Variants in RBFOX1 observed in about 807,000 individuals in gnomAD.
RBFOX1 encodes RNA binding protein fox-1 homolog 1.
RBFOX1 carries 8 observed loss-of-function variants against 57.7 expected under a neutral mutation model. The observed-to-expected ratio is 0.14, with a 90% CI of 0.08 to 0.25. RBFOX1 has a LOEUF of 0.25. Among genes scored for constraint, RBFOX1 ranks in the 10% least tolerant of loss-of-function variants. The pLI, the probability that RBFOX1 is intolerant of heterozygous loss-of-function variation, is 1.00. For missense variants in RBFOX1, 611 were observed against 548.5 expected (o/e 1.11, Z -1.14); for synonymous variants, 326 against 222.4 (o/e 1.47, Z -4.15).
intron 4 of RBFOX1, among the ~76,000 whole-genome samples, chr16:7,423,615 G>T (rs1459945554): frequency 6.6e-6 from 1 of 152,114 alleles, no homozygotes; most frequent in African/African-American, 2.4e-5. Flanking sequence ...TGGGCACAGG[G>T]GAGTGGTTTG....
intron 1 of RBFOX1, among the ~76,000 whole-genome samples, chr16:5,312,265 G>C (rs537531763): frequency 7.2e-5 from 11 of 152,280 alleles, no homozygotes; most frequent in Non-Finnish European, 1.3e-4. Flanking sequence ...TATCCTCCAG[G>C]GCTGTTGAAA....
intron 1 of RBFOX1, among the ~76,000 whole-genome samples, chr16:5,406,353 G>A: frequency 9.2e-6 from 1 of 108,988 alleles, no homozygotes; most frequent in Non-Finnish European, 2.1e-5. Context: ...AGGTGGAGGA[G>A]GGGAGAGTTA....
At chr16:7,113,284 G>A (rs567219760) in intron 4 of RBFOX1, among the ~76,000 whole-genome samples, 74 of 152,278 alleles carry the variant, frequency 4.9e-4, no homozygotes, top group African/African-American at 1.8e-3. Flanking sequence ...TTGGGTAAGA[G>A]TAATGCTCTA....
chr16:7,521,851 C>T (rs1389585851), intron 5 of RBFOX1, among the ~76,000 whole-genome samples: 1 of 152,120 alleles, frequency 6.6e-6, no homozygotes, highest in African/African-American at 2.4e-5. Context: ...GTGGACACAG[C>T]CTGGTTTTTG....
chr16:6,654,715 G>A (rs2098633902), intron 3 of RBFOX1, 65 bp downstream of exon 3: 1 of 1,273,098 alleles, frequency 7.9e-7, no homozygotes, highest in Non-Finnish European at 1.1e-6. Flanking sequence ...TTGAACCCAG[G>A]TGTTTAAGGC....
At chr16:7,590,994 A>C (rs1056035545) in intron 7 of RBFOX1, among the ~76,000 whole-genome samples, 6 of 152,034 alleles carry the variant, frequency 3.9e-5, no homozygotes, top group African/African-American at 1.4e-4. Context: ...GGCTTTCCTG[A>C]GTAGCAGGAG....
chr16:6,084,123 A>G (rs1040792227), intron 1 of RBFOX1, among the ~76,000 whole-genome samples: 1 of 152,212 alleles, frequency 6.6e-6, no homozygotes, highest in African/African-American at 2.4e-5. Flanking sequence ...TACGGCCAAT[A>G]ATAATACCTC....
chr16:7,541,358 C>G (rs912360881), intron 5 of RBFOX1, among the ~76,000 whole-genome samples: 1 of 152,212 alleles, frequency 6.6e-6, no homozygotes, highest in African/African-American at 2.4e-5. Flanking sequence ...GCATTTTCCT[C>G]TTTCAGATTT....
At position 7,116,081 on chromosome 16, in the gene RBFOX1, C is replaced by G. The variant is rs760305523; in HGVS notation, c.27+63983C>G. Among the ~76,000 whole-genome samples the G allele has an allele frequency of 1.3e-5, 2 of 152,058 alleles. 1 individual carries two copies. Among genetic ancestry groups the G allele is most frequent in the Admixed American group, 1.3e-4 (2 of 15,264 alleles). ...ATAACAGCCCTTTCTCAGTGGGTAC[C>G]GATCAGTACCCATTTTACAGATAAG... On this transcript the variant is annotated intron_variant, in intron 4 of 15. Transcript: ENST00000550418.
At chr16:5,525,532 C>T (rs1019584275) in intron 2 of RBFOX1, among the ~76,000 whole-genome samples, 8 of 123,906 alleles carry the variant, frequency 6.5e-5, no homozygotes, top group Non-Finnish European at 9.5e-5. Flanking sequence ...GAGTCTTGCT[C>T]TGTTGCCAAG....
intron 4 of RBFOX1, among the ~76,000 whole-genome samples, chr16:7,215,567 A>C (rs1431780924): frequency 6.6e-6 from 1 of 152,210 alleles, no homozygotes; most frequent in Non-Finnish European, 1.5e-5. Context: ...TTTTGTAAGT[A>C]CATTTACTGA....
At chr16:7,089,814 T>C (rs549184992) in intron 4 of RBFOX1, among the ~76,000 whole-genome samples, 3 of 152,336 alleles carry the variant, frequency 2.0e-5, no homozygotes, top group African/African-American at 7.2e-5. Context: ...TACATGGCTT[T>C]ATTAACTGCA....
chr16:5,933,204 CG>C (rs1342193679), intron 4 of RBFOX1, among the ~76,000 whole-genome samples: 1 of 152,184 alleles, frequency 6.6e-6, no homozygotes, highest in Admixed American at 6.5e-5. Context: ...GTGTCTTCTC[CG>C]CATGGCGCCA....
chr16:6,810,433 G>A lies in RBFOX1; in HGVS notation c.-16+155783G>A, dbSNP rs184715682. 3.3e-5 allele frequency among the ~76,000 whole-genome samples: 5 copies of A among 152,210 alleles called. No individual in the cohort carries two copies. In the East Asian group the frequency reaches 5.8e-4, roughly 18 times the overall value. ...TGGTACTTTTTCCTGGGAGAAGGAT[G>A]ACTAAAAAGATGGCGACACAAAGGT... On this transcript the variant is annotated intron_variant, in intron 3 of 15. Transcript: ENST00000550418.
intron 15 of RBFOX1, 36 bp downstream of exon 15, chr16:7,709,167 T>G: frequency 6.4e-7 from 1 of 1,557,250 alleles, no homozygotes; most frequent in Non-Finnish European, 8.8e-7. Context: ...CACTTCCTCC[T>G]GCCTCCCTTC....
At chr16:7,692,753 A>T (rs1297193895) in intron 14 of RBFOX1, among the ~76,000 whole-genome samples, 1 of 152,158 alleles carries the variant, frequency 6.6e-6, no homozygotes, top group Non-Finnish European at 1.5e-5. Flanking sequence ...ATACTGCATC[A>T]TTAAAAATAA....
At chr16:7,318,894 G>A (rs781165005) in intron 4 of RBFOX1, among the ~76,000 whole-genome samples, 2 of 152,058 alleles carry the variant, frequency 1.3e-5, no homozygotes, top group Non-Finnish European at 1.5e-5. Context: ...AACAACGAAG[G>A]CTGCTTAGCG....
At chr16:5,929,315 C>CCTCTCTCTCTCTCTCT (rs112397291) in intron 4 of RBFOX1, among the ~76,000 whole-genome samples, 2 of 148,022 alleles carry the variant, frequency 1.4e-5, no homozygotes, top group South Asian at 2.2e-4. Context: ...CAGTCTTAAG[C>CCTCTCTCTCTCTCTCT]CTCTCTCTCT....
intron 2 of RBFOX1, among the ~76,000 whole-genome samples, chr16:5,472,678 G>A (rs1328380257): frequency 6.6e-6 from 1 of 152,184 alleles, no homozygotes; most frequent in Non-Finnish European, 1.5e-5. Context: ...TAAATTCACA[G>A]CGCCTTCCCT....
Sources: gnomAD v4.1 joint callset for allele counts (sites outside exome capture counted in the v4.1 genomes callset) on GRCh38, gnomAD v4.1.1 for gene constraint, MANE v1.5 for transcripts, NCBI Gene and HGNC (gene_info 2026-07-23, HGNC 2026-07-21) for gene names.